Variants in PTPRT observed in about 807,000 individuals in gnomAD.
The protein encoded by PTPRT is protein tyrosine phosphatase receptor type T.
In PTPRT, 56 loss-of-function variants were observed where a neutral mutation model predicts 176.8. The observed-to-expected ratio is 0.32, with a 90% CI of 0.26 to 0.40. The LOEUF (loss-of-function observed/expected upper bound fraction) is 0.40, where lower values mean the gene tolerates loss of function less well. Among genes scored for constraint, PTPRT ranks in the 10% least tolerant of loss-of-function variants. The pLI, the probability that PTPRT is intolerant of heterozygous loss-of-function variation, is 1.00. For synonymous variants in PTPRT, 783 were observed against 739.0 expected, an observed-to-expected ratio of 1.06 and a Z score of -0.96; for missense variants, 1,540 against 1,908.2, an observed-to-expected ratio of 0.81 and a Z score of 3.60.
chr20:42,155,084 G>T (rs1464064489), intron 17 of PTPRT, among the ~76,000 whole-genome samples: 1 of 152,172 alleles, frequency 6.6e-6, no homozygotes, highest in African/African-American at 2.4e-5. Context: ...ACATCAACCG[G>T]AGGGCTTAGA....
At chr20:42,561,921 C>A (rs2072958821) in intron 7 of PTPRT, among the ~76,000 whole-genome samples, 1 of 152,144 alleles carries the variant, frequency 6.6e-6, no homozygotes. Flanking sequence ...AGGGATGGAA[C>A]CTAGAGCTAG....
chr20:42,218,724 T>C (rs987818996), intron 15 of PTPRT, among the ~76,000 whole-genome samples: 2 of 152,220 alleles, frequency 1.3e-5, no homozygotes, highest in Non-Finnish European at 2.9e-5. Context: ...GAGTAGCAGA[T>C]GGCATCTGTC....
chr20:42,840,721 T>A (rs1302114135), intron 2 of PTPRT, among the ~76,000 whole-genome samples: 1 of 152,150 alleles, frequency 6.6e-6, no homozygotes, highest in Non-Finnish European at 1.5e-5. Context: ...CCATCACATC[T>A]TTTTTAGAGA....
intron 16 of PTPRT, among the ~76,000 whole-genome samples, chr20:42,186,568 G>T (rs966650658): frequency 2.0e-5 from 3 of 152,036 alleles, no homozygotes; most frequent in Non-Finnish European, 4.4e-5. Flanking sequence ...AGATGAGAGA[G>T]CCTGGGGAAG....
Position 42,504,836 on chromosome 20 carries a change from A to G in PTPRT, c.1154-32274T>C, listed in dbSNP as rs142410038. Among the ~76,000 whole-genome samples, 316 of 152,172 alleles carry G rather than the reference A, an allele frequency of 2.1e-3. 2 individuals carry two copies. The highest frequency in any genetic ancestry group is 0.01 in the Middle Eastern group (3 of 294). On this transcript the variant is annotated intron_variant, in intron 7 of 30. Coordinates refer to ENST00000373187, the MANE Select transcript of PTPRT (RefSeq NM_007050.6). ...TCCTTTCCAGCCTTTCTTTGAATTT[A>G]CTGAGTTTTAATTATGTTTTATTAT...
In PTPRT at chr20:42,110,314, T is replaced by A. The variant is rs781032852; in HGVS notation, c.3254+19A>T. The stretch of plus-strand genomic sequence containing the variant: ...ATCTGCCCGCCTCGGCCTCCCAAGG[T>A]GAAGGACCTTTGACTTACCTGCAGT... On this transcript the variant is annotated intron_variant, in intron 23 of 30. Transcript: ENST00000373187. The A allele has an allele frequency of 1.3e-6, 2 of 1,584,788 alleles. No homozygotes were observed. Among genetic ancestry groups the A allele is most frequent in the Admixed American group, 1.7e-5 (1 of 57,592 alleles).
intron 29 of PTPRT, 41 bp downstream of exon 29, chr20:42,084,641 C>T: frequency 7.3e-7 from 1 of 1,376,244 alleles, no homozygotes. Context: ...GCTCTATCAC[C>T]CACCACCCTA....
chr20:42,288,437 T>G (rs2057266736), intron 12 of PTPRT, among the ~76,000 whole-genome samples: 1 of 151,956 alleles, frequency 6.6e-6, no homozygotes, highest in African/African-American at 2.4e-5. Flanking sequence ...GGTTAGGGCT[T>G]CTATTGAACC....
At chr20:42,756,875 C>T (rs1262435794) in intron 5 of PTPRT, among the ~76,000 whole-genome samples, 1 of 151,994 alleles carries the variant, frequency 6.6e-6, no homozygotes, top group Non-Finnish European at 1.5e-5. Flanking sequence ...GCAAGCAAGA[C>T]CTTGCCTCTA....
intron 1 of PTPRT, among the ~76,000 whole-genome samples, chr20:42,946,235 TG>T (rs929130666): frequency 9.9e-5 from 15 of 152,270 alleles, no homozygotes; most frequent in Admixed American, 9.2e-4. Context: ...GGGCAATCCC[TG>T]GGGGGAACTT....
At chr20:42,248,877 G>A in intron 13 of PTPRT, 55 bp from the exon 14 acceptor site, 1 of 1,592,498 alleles carries the variant, frequency 6.3e-7, no homozygotes, top group South Asian at 1.1e-5. Flanking sequence ...CATGCGACTA[G>A]ACAATCATCA....
At chr20:42,087,437 CAG>C (rs139759550) in intron 27 of PTPRT, among the ~76,000 whole-genome samples, 32,301 of 150,974 alleles carry the variant, frequency 0.21, 3,760 homozygotes, top group Non-Finnish European at 0.27. Flanking sequence ...TTAGTAGAGA[CAG>C]AGCCTCACCG....
chr20:42,863,436 G>A (rs1206452163), intron 2 of PTPRT, among the ~76,000 whole-genome samples: 1 of 152,130 alleles, frequency 6.6e-6, no homozygotes, highest in East Asian at 1.9e-4. Context: ...AGGGAAGGAT[G>A]GTCTAGCCTT....
chr20:42,776,272 C>T (rs77971059), intron 4 of PTPRT, among the ~76,000 whole-genome samples: 4,491 of 152,206 alleles, frequency 0.03, 135 homozygotes, highest in African/African-American at 0.079. Flanking sequence ...AACTGTGTCT[C>T]CCCCAGATTT....
rs111800201 is a variant in PTPRT at position 42,612,731 on chromosome 20, T to C, written c.1153+65135A>G. On this transcript the variant is annotated intron_variant, in intron 7 of 30. Transcript: ENST00000373187. ...AGCCTCAAGCTTTTAAGACATTATA[T>C]ATTGAAAATATACACTGAATCATCT... is the stretch of plus-strand genomic sequence containing the variant. Among the ~76,000 whole-genome samples the C allele has an allele frequency of 4.9e-3, 740 of 151,622 alleles. 7 individuals carry two copies. Among genetic ancestry groups the C allele is most frequent in the African/African-American group, 0.017 (693 of 41,326 alleles).
At chr20:42,987,747 C>T (rs1387655358) in intron 1 of PTPRT, among the ~76,000 whole-genome samples, 2 of 151,980 alleles carry the variant, frequency 1.3e-5, no homozygotes, top group Non-Finnish European at 2.9e-5. Flanking sequence ...CACCAAAATT[C>T]ACCCATACAG....
chr20:42,337,247 T>C (rs1332819328), intron 11 of PTPRT, among the ~76,000 whole-genome samples: 1 of 152,162 alleles, frequency 6.6e-6, no homozygotes, highest in African/African-American at 2.4e-5. Context: ...ACCTCCAACT[T>C]ACAATGTGTC....
At chr20:42,544,368 GCTGGCTCTAAAATTTTCTT>G (rs1393704509) in intron 7 of PTPRT, among the ~76,000 whole-genome samples, 3 of 152,198 alleles carry the variant, frequency 2.0e-5, no homozygotes, top group Non-Finnish European at 4.4e-5. Flanking sequence ...GCCAAGCTCT[GCTGGCTCTAAAATTTTCTT>G]CTGCTACTTC....
intron 12 of PTPRT, among the ~76,000 whole-genome samples, chr20:42,294,415 A>G (rs187019515): frequency 2.4e-4 from 36 of 152,212 alleles, no homozygotes; most frequent in African/African-American, 8.7e-4. Flanking sequence ...AAAGGAAGCA[A>G]AGTGGGAATT....
Sources: allele counts gnomAD v4.1 joint callset (sites outside exome capture counted in the v4.1 genomes callset), GRCh38; gene constraint gnomAD v4.1.1; transcripts MANE v1.5; gene names NCBI Gene and HGNC (gene_info 2026-07-23, HGNC 2026-07-21).